SCART1: variants seen among roughly 807,000 people sequenced by gnomAD.
SCART1 encodes scavenger receptor cysteine-rich domain-containing protein SCART1.
SCART1 carries 62 observed loss-of-function variants against 36.2 expected under a neutral mutation model. The ratio of observed to expected loss-of-function variants is 1.71; its 90% CI spans 1.40 to 2.12. The LOEUF is 2.12. SCART1 is among the 30% of genes most tolerant of loss of function. SCART1 has a pLI of 0.00. For missense variants in SCART1, 1,041 were observed against 540.5 expected (o/e 1.93, Z -9.18); for synonymous variants, 487 against 238.7 (o/e 2.04, Z -9.59).
exon 3 of SCART1, chr10:133,457,439 C>T: frequency 1.4e-6 from 1 of 702,442 alleles, no homozygotes; most frequent in Non-Finnish European, 2.6e-6. Context: ...TGCTCCAGGC[C>T]CCCCGCCGGG....
chr10:133,459,909 G>A, exon 6 of SCART1: 3 of 545,808 alleles, frequency 5.5e-6, no homozygotes, highest in Non-Finnish European at 9.6e-6. Context: ...CCGCGGGGCC[G>A]GGGCGCTGCA....
intron 6 of SCART1, among the ~76,000 whole-genome samples, chr10:133,462,496 G>A (rs1850713792): frequency 6.6e-6 from 1 of 152,212 alleles, no homozygotes; most frequent in Non-Finnish European, 1.5e-5. Context: ...AAAACCATCT[G>A]TAATCCCAAC....
chr10:133,457,850 C>T (rs1850638898), intron 3 of SCART1: 1 of 548,478 alleles, frequency 1.8e-6, no homozygotes, highest in Non-Finnish European at 3.2e-6. Flanking sequence ...GCTGCCTCAG[C>T]TGTGATCTCT....
At chr10:133,464,693 G>A in exon 7 of SCART1, 2 of 701,634 alleles carry the variant, frequency 2.9e-6, no homozygotes, top group Non-Finnish European at 5.2e-6. Context: ...GGCGCCATGT[G>A]CAGCAATGCC....
chr10:133,458,578 G>A (rs989544196), exon 4 of SCART1: 31 of 686,880 alleles, frequency 4.5e-5, no homozygotes, highest in Middle Eastern at 3.1e-4. Flanking sequence ...TGCGGGCAAC[G>A]AGTCGCTGCT....
At chr10:133,458,360 G>T (rs1315399139) in exon 4 of SCART1, 1 of 702,632 alleles carries the variant, frequency 1.4e-6, no homozygotes, top group Non-Finnish European at 2.6e-6. Flanking sequence ...CTGCCCCCAG[G>T]ACACACCGAG....
Position 133,456,299 on chromosome 10 carries a change from C to T in SCART1, c.130C>T (p.Arg44Ter), listed in dbSNP as rs373315276. 1.3e-4 allele frequency: 91 copies of T among 702,912 alleles called. 2 individuals carry two copies. The highest frequency in any genetic ancestry group is 1.1e-3 in the South Asian group (71 of 67,596). The allele number at this position is 702,912 out of a possible 1,614,324, so 43.5% of individuals were successfully genotyped here. A position where few individuals can be genotyped will look rare whatever the true frequency, so the allele number is the denominator to read the frequency against. Residue 44 changes from arginine (R) to a stop codon, truncating the protein, a stop_gained, in exon 2 of 12, where the codon CGA becomes TGA. Transcript: ENST00000640237. LOFTEE classifies it high-confidence loss of function. ...CACGTGCGACGGAGTGGTGTTGGTC[C>T]GACACCACGGGGCATGGGGATACGT...
intron 5 of SCART1, 71 bp from the exon 6 acceptor site, chr10:133,459,416 G>A (rs1850665344): frequency 3.2e-6 from 2 of 615,384 alleles, no homozygotes; most frequent in African/African-American, 3.7e-5. Context: ...GGAGAGGTAC[G>A]GGCCCTGCTG....
chr10:133,456,718 G>C (rs1282694977), intron 2 of SCART1, among the ~76,000 whole-genome samples, 164 bp downstream of exon 2: 1 of 152,086 alleles, frequency 6.6e-6, no homozygotes, highest in Non-Finnish European at 1.5e-5. Context: ...GCTCCTCTCT[G>C]GGCACCGGGG....
intron 3 of SCART1, chr10:133,458,096 G>A (rs901300914): frequency 3.0e-5 from 20 of 670,926 alleles, no homozygotes; most frequent in East Asian, 8.3e-5. Flanking sequence ...TCATGGCCTC[G>A]GACAGGCAGA....
At chr10:133,467,952 A>G in exon 12 of SCART1, 1 of 693,306 alleles carries the variant, frequency 1.4e-6, no homozygotes, top group African/African-American at 1.8e-5. Context: ...TTTCCTCTGG[A>G]GGAGATGACG....
downstream of SCART1, chr10:133,469,295 G>T (rs1176308846): frequency 3.3e-5 from 5 of 152,114 alleles, no homozygotes; most frequent in African/African-American, 1.2e-4. Flanking sequence ...TTGTCAGATG[G>T]ATAGATTGCA....
chr10:133,463,744 C>T (rs1441272903), intron 6 of SCART1, among the ~76,000 whole-genome samples: 1 of 152,018 alleles, frequency 6.6e-6, no homozygotes, highest in Non-Finnish European at 1.5e-5. Flanking sequence ...AGTGGTGTTT[C>T]AATCCATATA....
exon 6 of SCART1, chr10:133,459,933 G>T: frequency 1.8e-6 from 1 of 542,762 alleles, no homozygotes; most frequent in East Asian, 3.4e-5. Context: ...GGGCGCGTGG[G>T]GCACCGTGTG....
At chr10:133,465,343 G>C in exon 9 of SCART1, 2 of 688,712 alleles carry the variant, frequency 2.9e-6, no homozygotes, top group Non-Finnish European at 5.3e-6. Flanking sequence ...CGTGTGCGAC[G>C]ATGGCTGGGA....
At position 133,465,768 on chromosome 10, in the gene SCART1, T is replaced by A. The variant is rs1850758261; in HGVS notation, c.2659+203T>A. 5.9e-6 allele frequency: 4 copies of A among 676,516 alleles called. No individual in the cohort carries two copies. The East Asian group carries it at 1.1e-4, about 18-fold the overall frequency. The allele number at this position is 676,516 out of a possible 1,614,324, so 41.9% of individuals were successfully genotyped here. Reference sequence around the variant, plus strand: ...CACTCCCTGGGGTTTCCCCCTAATCTTTTTTGGGAATTCCCTTTTGTTTAT... The same window carrying A: ...CACTCCCTGGGGTTTCCCCCTAATCATTTTTGGGAATTCCCTTTTGTTTAT... On this transcript the variant is annotated intron_variant, in intron 9 of 11. Transcript: ENST00000640237.
At chr10:133,456,755 G>A (rs1489250639) in intron 2 of SCART1, among the ~76,000 whole-genome samples, 1 of 152,112 alleles carries the variant, frequency 6.6e-6, no homozygotes, top group Non-Finnish European at 1.5e-5. Context: ...ATTCAGCTGT[G>A]GAAAAACCAA....
At position 133,464,753 on chromosome 10, in the gene SCART1, TGTGGGGA is replaced by T. The variant is rs201116131; in HGVS notation, c.2124_2130del (p.Val709TrpfsTer214). 2,224 of 685,366 alleles carry T rather than the reference TGTGGGGA, an allele frequency of 3.2e-3. 29 individuals are homozygous for T. Among genetic ancestry groups the T allele is most frequent in the African/African-American group, 0.032 (1,615 of 50,482 alleles). 42.5% of individuals were successfully genotyped at this position (685,366 alleles called of 1,614,324 possible). A position where few individuals can be genotyped will look rare whatever the true frequency, so the allele number is the denominator to read the frequency against. On this transcript the variant is annotated frameshift_variant, in exon 7 of 12. Coordinates refer to ENST00000640237, the Ensembl canonical transcript of SCART1. LOFTEE classifies it high-confidence loss of function. The stretch of plus-strand genomic sequence containing the variant: ...ATCTGCAAGCAGCTGGGGTGTGGGG[TGTGGGGA>T]GTGGGGCTGGCTGGAGAACAGGCCC...
Position 133,465,351 on chromosome 10 carries a change from G to A in SCART1, c.2445G>A (p.Trp815Ter), listed in dbSNP as rs1015660417. Reference sequence around the variant, plus strand: ...GGGGCACCGTGTGCGACGATGGCTGGGACCTGGCGGACGCGGAGGTCGTGT... The same window carrying A: ...GGGGCACCGTGTGCGACGATGGCTGAGACCTGGCGGACGCGGAGGTCGTGT... Residue 815 changes from tryptophan (W) to a stop codon, truncating the protein, a stop_gained, in exon 9 of 12, where the codon TGG becomes TGA. Transcript: ENST00000640237. LOFTEE classifies it high-confidence loss of function. The A allele has an allele frequency of 2.9e-6, 2 of 685,470 alleles. No individual in the cohort carries two copies. Among genetic ancestry groups the A allele is most frequent in the Admixed American group, 2.1e-5 (1 of 47,732 alleles). The allele number at this position is 685,470 out of a possible 1,614,324, so 42.5% of individuals were successfully genotyped here. A position where few individuals can be genotyped will look rare whatever the true frequency, so the allele number is the denominator to read the frequency against.
Sources: gnomAD v4.1 joint callset for allele counts (sites outside exome capture counted in the v4.1 genomes callset) on GRCh38, gnomAD v4.1.1 for gene constraint, MANE v1.5 for transcripts, NCBI Gene and HGNC (gene_info 2026-07-23, HGNC 2026-07-21) for gene names.